The following PM20D2 variants were observed in gnomAD, a reference collection of about 807,000 sequenced individuals.
The protein encoded by PM20D2 is xaa-Arg dipeptidase.
PM20D2 carries 33 observed loss-of-function variants against 42.9 expected under a neutral mutation model. That is an observed-to-expected ratio of 0.77 (90% CI 0.58 to 1.03). PM20D2 has a LOEUF of 1.03. Ranked by LOEUF, PM20D2 falls within the 50% of genes least tolerant of loss-of-function variation. The probability of loss-of-function intolerance (pLI) is 0.00; values close to 1 mark genes in which losing one functional copy is unlikely to be tolerated. For synonymous variants in PM20D2, 250 were observed against 228.2 expected, an observed-to-expected ratio of 1.10 and a Z score of -0.86; for missense variants, 548 against 557.0, an observed-to-expected ratio of 0.98 and a Z score of 0.16.
chr6:89,134,081 G>A, the PM20D2 span, among the ~76,000 whole-genome samples: 1 of 151,220 alleles, frequency 6.6e-6, no homozygotes, highest in Non-Finnish European at 1.5e-5. Context: ...AGACACCAAG[G>A]AGGGTGCTGT....
At chr6:89,154,342 G>A (rs1360454143) in intron 3 of PM20D2, among the ~76,000 whole-genome samples, 2 of 152,090 alleles carry the variant, frequency 1.3e-5, no homozygotes, top group Admixed American at 6.5e-5. Context: ...CATTTAAAAT[G>A]CTCATGGGAT....
At chr6:89,153,841 A>T (rs1452873018) in intron 3 of PM20D2, among the ~76,000 whole-genome samples, 1 of 152,112 alleles carries the variant, frequency 6.6e-6, no homozygotes, top group Non-Finnish European at 1.5e-5. Context: ...GCCTTAAGTG[A>T]TCTGCCCACC....
At chr6:89,138,564 T>A in the PM20D2 span, among the ~76,000 whole-genome samples, 3 of 151,420 alleles carry the variant, frequency 2.0e-5, no homozygotes, top group African/African-American at 4.9e-5. Flanking sequence ...CTGAAAAAAA[T>A]TGAATTAAAT....
At chr6:89,149,188 C>T in intron 1 of PM20D2, 77 bp from the exon 2 acceptor site, 1 of 1,504,876 alleles carries the variant, frequency 6.6e-7, no homozygotes, top group Non-Finnish European at 9.0e-7. Flanking sequence ...ATTGTGAATA[C>T]ATATGCAGGT....
At chr6:89,154,702 G>C in intron 3 of PM20D2, 46 bp from the exon 4 acceptor site, 3 of 1,385,828 alleles carry the variant, frequency 2.2e-6, no homozygotes, top group Non-Finnish European at 2.9e-6. Context: ...TAAGCTTAAA[G>C]AAATGGTCAC....
At chr6:89,134,335 T>C in the PM20D2 span, among the ~76,000 whole-genome samples, 1 of 151,076 alleles carries the variant, frequency 6.6e-6, no homozygotes, top group African/African-American at 2.5e-5. Context: ...GAATTCAGCT[T>C]CCTTCGGCCA....
chr6:89,120,959 ATTATACTCTGAT>A, the PM20D2 span, among the ~76,000 whole-genome samples: 1 of 152,202 alleles, frequency 6.6e-6, no homozygotes, highest in Non-Finnish European at 1.5e-5. Context: ...AGGTATAGGT[ATTATACTCTGAT>A]ACTTGCTTTC....
At position 89,161,149 on chromosome 6, in the gene PM20D2, GGA is replaced by G. The variant is rs1305647354; in HGVS notation, c.1049-632_1049-631del. Among the ~76,000 whole-genome samples the G allele has an allele frequency of 1.1e-4, 17 of 152,270 alleles. No individual in the cohort carries two copies. The East Asian group carries it at 2.9e-3, about 26-fold the overall frequency. ...TATTTGGCAGGTACTGTTGATAGGT[GGA>G]GTGGAGGTAGAAGAGAAAGATCATG... On this transcript the variant is annotated intron_variant, in intron 5 of 6. Transcript: ENST00000275072.
intron 2 of PM20D2, among the ~76,000 whole-genome samples, chr6:89,149,940 GTCTT>G (rs1431020153): frequency 2.6e-5 from 4 of 151,888 alleles, no homozygotes; most frequent in Admixed American, 6.5e-5. Flanking sequence ...CCTTTTATTT[GTCTT>G]TCTTTATGTT....
At chr6:89,161,402 C>A (rs1237485984) in intron 5 of PM20D2, among the ~76,000 whole-genome samples, 1 of 152,124 alleles carries the variant, frequency 6.6e-6, no homozygotes, top group Non-Finnish European at 1.5e-5. Flanking sequence ...ATTTCATCGT[C>A]AGGTAGAGGG....
the PM20D2 span, among the ~76,000 whole-genome samples, chr6:89,116,825 C>T: frequency 6.6e-6 from 1 of 151,844 alleles, no homozygotes. Flanking sequence ...TTTATTTACT[C>T]CTCAAAGGTA....
At chr6:89,147,633 G>C (rs189491289) in intron 1 of PM20D2, among the ~76,000 whole-genome samples, 1 of 151,856 alleles carries the variant, frequency 6.6e-6, no homozygotes, top group Non-Finnish European at 1.5e-5. Context: ...ATGAGTTAAG[G>C]GTCAAGAATG....
the PM20D2 span, among the ~76,000 whole-genome samples, chr6:89,099,253 GA>G: frequency 2.3e-4 from 35 of 150,956 alleles, no homozygotes; most frequent in African/African-American, 5.4e-4. Flanking sequence ...AAAATCTGAA[GA>G]AAAAAAGATT....
At chr6:89,148,508 C>G in intron 1 of PM20D2, 1 of 972,616 alleles carries the variant, frequency 1.0e-6, no homozygotes, top group Non-Finnish European at 1.2e-6. Context: ...CTGTAAAGTT[C>G]TCTTTTGTTT....
At chr6:89,125,034 G>A in the PM20D2 span, among the ~76,000 whole-genome samples, 2,346 of 151,992 alleles carry the variant, frequency 0.015, 58 homozygotes, top group African/African-American at 0.052. Flanking sequence ...ACTGTACCTG[G>A]CCCCATCAAG....
chr6:89,117,361 T>C, the PM20D2 span, among the ~76,000 whole-genome samples: 9 of 152,348 alleles, frequency 5.9e-5, no homozygotes, highest in Non-Finnish European at 2.9e-5. Context: ...GTACGCATTA[T>C]GGTACAAAAC....
the PM20D2 span, among the ~76,000 whole-genome samples, chr6:89,120,858 A>G: frequency 1.3e-5 from 2 of 152,206 alleles, no homozygotes; most frequent in African/African-American, 4.8e-5. Flanking sequence ...AGCATGAGTG[A>G]CAGAGCAAGA....
the PM20D2 span, among the ~76,000 whole-genome samples, chr6:89,120,404 A>AT: frequency 6.6e-6 from 1 of 152,166 alleles, no homozygotes; most frequent in African/African-American, 2.4e-5. Flanking sequence ...TTGGACATGT[A>AT]TTTTTGGGGG....
the PM20D2 span, among the ~76,000 whole-genome samples, chr6:89,132,554 A>G: frequency 1.3e-5 from 2 of 151,364 alleles, no homozygotes; most frequent in Non-Finnish European, 2.9e-5. Flanking sequence ...AGATCAAGAA[A>G]CTAAAGACTG....
Sources: allele counts gnomAD v4.1 joint callset (sites outside exome capture counted in the v4.1 genomes callset), GRCh38; gene constraint gnomAD v4.1.1; transcripts MANE v1.5; gene names NCBI Gene and HGNC (gene_info 2026-07-23, HGNC 2026-07-21).